Variants in SALL2 observed in about 807,000 individuals in gnomAD.
The protein encoded by SALL2 is spalt like transcription factor 2, also known as sal-like protein 2.
In SALL2, 32 loss-of-function variants were observed where a neutral mutation model predicts 58.5. The observed-to-expected ratio is 0.55, with a 90% CI of 0.41 to 0.74. The LOEUF is 0.74. Ranked by LOEUF, SALL2 falls within the 30% of genes least tolerant of loss-of-function variation. SALL2 has a pLI of 0.00. For synonymous variants in SALL2, 516 were observed against 513.6 expected (o/e 1.00, Z -0.06); for missense variants, 1,201 against 1,268.9 (o/e 0.95, Z 0.81).
upstream of SALL2, among the ~76,000 whole-genome samples, chr14:21,530,281 C>CTTTT (rs34598628): frequency 0.012 from 810 of 64,802 alleles, no homozygotes; most frequent in Middle Eastern, 0.038. Flanking sequence ...TTTTTTCTTT[C>CTTTT]TTTTTTTTTT....
In SALL2 at chr14:21,525,952, G is replaced by C. The variant is rs1892285705; in HGVS notation, c.67+109C>G. ...TTCACGGAATAGGTGTGGGGACAGG[G>C]GCCTACGCAGAGAATCATGCATTTT... is the stretch of plus-strand genomic sequence containing the variant. On this transcript the variant is annotated intron_variant, in intron 1 of 1. Transcript: ENST00000537235. This position sits in a 1 kb window ranked among gnomAD's most constrained non-coding sequence, Gnocchi z 4.4. The C allele has an allele frequency of 2.8e-6, 3 of 1,082,266 alleles. No homozygotes were observed. Among genetic ancestry groups the C allele is most frequent in the Non-Finnish European group, 4.1e-6 (3 of 737,218 alleles). 67.0% of individuals were successfully genotyped at this position (1,082,266 alleles called of 1,614,324 possible).
At chr14:21,527,969 G>A (rs1035770541), upstream of SALL2, among the ~76,000 whole-genome samples, 3 of 151,686 alleles carry the variant, frequency 2.0e-5, no homozygotes, top group Non-Finnish European at 4.4e-5. Context: ...TTGAAACCCC[G>A]TCTCTACTAA....
At chr14:21,528,688 T>C (rs1892386288), upstream of SALL2, among the ~76,000 whole-genome samples, 1 of 152,288 alleles carries the variant, frequency 6.6e-6, no homozygotes, top group South Asian at 2.1e-4. Context: ...TTAAGTGACT[T>C]TTCCAAGTTC....
At position 21,523,520 on chromosome 14, in the gene SALL2, G is replaced by A; in HGVS notation, c.2202C>T (p.Gly734=). 6.2e-7 allele frequency: 1 copy of A among 1,614,192 alleles called. No individual in the cohort carries two copies. The change falls in exon 2 of 2, where the codon GGC becomes GGT. Residue 734 remains glycine, a synonymous_variant. Coordinates refer to ENST00000537235, the MANE Select transcript of SALL2 (RefSeq NM_001364564.1). This position sits in a 1 kb window ranked among gnomAD's most constrained non-coding sequence, Gnocchi z 4.4. ...PEGGGAAQEN[G]SEQSTVSGAR... ...CCCCGGAGACTGTAGATTGCTCGGA[G>A]CCATTCTCCTGAGCAGCTCCTCCAC...
chr14:21,536,777 G>T, intron 1 of SALL2: 1 of 1,275,138 alleles, frequency 7.8e-7, no homozygotes, highest in Non-Finnish European at 1.1e-6. Context: ...TGGCCCGAGT[G>T]CCCTCCCCTT....
rs1228310320 is a variant in SALL2 at position 21,525,484 on chromosome 14, G to C, written c.238C>G (p.Arg80Gly). The change falls in exon 2 of 2, where the codon CGG (arginine) becomes GGG (glycine). Residue 80 changes from arginine (R) to glycine (G), a missense_variant. Transcript: ENST00000537235. The surrounding 1 kb of genome is among the most constrained non-coding windows in gnomAD (Gnocchi z 4.4). ...TGAGGATTATTGTGACCCTCAGGCC[G>C]GGGTTCAGAGGAGGCCGAAGAGTTG... ...PNNSSASSEPRPEGHNNPQVM... is the reference protein window; with the variant it reads ...PNNSSASSEPGPEGHNNPQVM... The C allele has an allele frequency of 5.0e-6, 8 of 1,613,896 alleles. No homozygotes were observed. Among genetic ancestry groups the C allele is most frequent in the Non-Finnish European group, 6.8e-6 (8 of 1,179,924 alleles).
In SALL2 at chr14:21,524,805, C is replaced by A. The variant is rs200521547; in HGVS notation, c.917G>T (p.Gly306Val). Residue 306 changes from glycine to valine, a missense_variant, in exon 2 of 2, where the codon GGC (glycine) becomes GTC (valine). Physicochemically the swap from Gly to Val is moderately radical, Grantham distance 109. This residue lies in a region of SALL2 where 467 missense variants were observed against 468.9 expected (regional missense o/e 1.00). Transcript: ENST00000537235. ...PTPAPSPALP[G>V]STDQLIASPH... ...CGAGGCAATCAGCTGATCTGTGCTG[C>A]CTGGCAAGGCTGGGGAAGGGGCAGG... 3.5e-5 allele frequency: 56 copies of A among 1,609,272 alleles called. No individual in the cohort carries two copies. In the East Asian group the frequency reaches 1.1e-3, roughly 32 times the overall value.
Position 21,525,127 on chromosome 14 carries a change from C to G in SALL2, c.595G>C (p.Glu199Gln), listed in dbSNP as rs771669949. The G allele has an allele frequency of 1.9e-6, 3 of 1,613,966 alleles. No individual in the cohort carries two copies. Among genetic ancestry groups the G allele is most frequent in the African/African-American group, 1.3e-5 (1 of 74,914 alleles). The change falls in exon 2 of 2, where the codon GAG (glutamate) becomes CAG (glutamine). Residue 199 changes from glutamate (E) to glutamine (Q), a missense_variant. By Grantham distance (29) the Glu-to-Gln change is conservative (BLOSUM62 2). Transcript: ENST00000537235. This position sits in a 1 kb window ranked among gnomAD's most constrained non-coding sequence, Gnocchi z 4.4. Reference sequence around the variant, plus strand: ...AACAGCACCTGCCTGCAGATTTGCTCAGTCATCTGCATCTGATGGATCTGC... The same window carrying G: ...AACAGCACCTGCCTGCAGATTTGCTGAGTCATCTGCATCTGATGGATCTGC... Reference protein sequence around the residue: ...QRQIHQMQMTEQICRQVLLLG... With the variant: ...QRQIHQMQMTQQICRQVLLLG...
rs1235214131 is a variant in SALL2, at chr14:21,525,953, G to A, written c.67+108C>T. 6 of 1,087,774 alleles carry A rather than the reference G, an allele frequency of 5.5e-6. No individual in the cohort carries two copies. The highest frequency in any genetic ancestry group is 1.6e-5 in the African/African-American group (1 of 64,436). 67.4% of individuals were successfully genotyped at this position (1,087,774 alleles called of 1,614,324 possible). ...TCACGGAATAGGTGTGGGGACAGGGGCCTACGCAGAGAATCATGCATTTTC... is the reference window on the plus strand; with the variant it reads ...TCACGGAATAGGTGTGGGGACAGGGACCTACGCAGAGAATCATGCATTTTC... On this transcript the variant is annotated intron_variant, in intron 1 of 1. Coordinates refer to ENST00000537235, the MANE Select transcript of SALL2 (RefSeq NM_001364564.1). This position sits in a 1 kb window ranked among gnomAD's most constrained non-coding sequence, Gnocchi z 4.4.
rs1391990071 is a variant in SALL2 at position 21,522,029 on chromosome 14, C to T, written c.*675G>A. The T allele has an allele frequency of 7.5e-6, 12 of 1,593,808 alleles. No homozygotes were observed. Among genetic ancestry groups the T allele is most frequent in the Admixed American group, 6.7e-5 (4 of 59,310 alleles). ...TTTGCTACTTCTTGTCTATGATGGGCTTCTCAGGCACTGCCTTGGGTGCAG... is the reference window on the plus strand; with the variant it reads ...TTTGCTACTTCTTGTCTATGATGGGTTTCTCAGGCACTGCCTTGGGTGCAG... On this transcript the variant is annotated 3_prime_UTR_variant, in exon 2 of 2. Coordinates refer to ENST00000537235, the MANE Select transcript of SALL2 (RefSeq NM_001364564.1).
chr14:21,526,013 AT>A, intron 1 of SALL2, 47 bp downstream of exon 1: 1 of 890,288 alleles, frequency 1.1e-6, no homozygotes, highest in Non-Finnish European at 1.8e-6. Flanking sequence ...GCCCCTGCGC[AT>A]CCCCCTCCGC....
At position 21,524,967 on chromosome 14, in the gene SALL2, A is replaced by G. The variant is rs1892225230; in HGVS notation, c.755T>C (p.Leu252Pro). ...PIKPVQTSKT[L>P]ASSSSSSSSS... ...AGAGGAGGAGGAGGAGGAAGATGCC[A>G]GTGTCTTGCTGGTTTGGACAGGCTT... The change falls in exon 2 of 2, where the codon CTG (leucine) becomes CCG (proline). Residue 252 changes from leucine to proline, a missense_variant. Leu to Pro is a moderately conservative substitution (Grantham distance 98). Transcript: ENST00000537235. 1 of 1,613,992 alleles carries G rather than the reference A, an allele frequency of 6.2e-7. No individual in the cohort carries two copies. The highest frequency in any genetic ancestry group is 2.2e-5 in the East Asian group (1 of 44,872).
In SALL2 at chr14:21,537,077, C is replaced by T. The variant is rs188298854; in HGVS notation, c.-229G>A. 2.9e-3 allele frequency: 1,855 copies of T among 638,092 alleles called. 5 individuals are homozygous for T. Among genetic ancestry groups the T allele is most frequent in the Non-Finnish European group, 4.2e-3 (1,467 of 348,524 alleles). 39.5% of individuals were successfully genotyped at this position (638,092 alleles called of 1,614,324 possible). On this transcript the variant is annotated 5_prime_UTR_variant, in exon 1 of 2. Coordinates refer to the SALL2 transcript ENST00000541965. ...GAGATGTTCTTCTTTCCCAGAGACACAGACTCTCTCTCTCTCTCTGATTCT... is the reference window on the plus strand; with the variant it reads ...GAGATGTTCTTCTTTCCCAGAGACATAGACTCTCTCTCTCTCTCTGATTCT...
intron 1 of SALL2, among the ~76,000 whole-genome samples, chr14:21,531,656 C>G (rs1306187740): frequency 1.3e-5 from 2 of 151,844 alleles, no homozygotes; most frequent in African/African-American, 4.8e-5. Context: ...GATCTGCCCA[C>G]CTCGGCCTCC....
rs764638824 is a variant in SALL2 at position 21,522,071 on chromosome 14, G to A, written c.*633C>T. 6 of 1,597,170 alleles carry A rather than the reference G, an allele frequency of 3.8e-6. No individual in the cohort carries two copies. The highest frequency in any genetic ancestry group is 2.2e-5 in the South Asian group (2 of 90,790). The stretch of plus-strand genomic sequence containing the variant: ...TGGGTGCAGGAGGCTGAAATAGGAG[G>A]GGGGCTGTCTTCTCCTTGGCTTCCC... On this transcript the variant is annotated 3_prime_UTR_variant, in exon 2 of 2. Coordinates refer to ENST00000537235, the MANE Select transcript of SALL2 (RefSeq NM_001364564.1).
chr14:21,522,368 GCT>G lies in SALL2; in HGVS notation c.*334_*335del. 6.9e-7 allele frequency: 1 copy of G among 1,440,360 alleles called. No homozygotes were observed. The highest frequency in any genetic ancestry group is 9.1e-7 in the Non-Finnish European group (1 of 1,099,786). 89.2% of individuals were successfully genotyped at this position (1,440,360 alleles called of 1,614,324 possible). ...CTAGGCTGCAATGCCAAATGTAGGT[GCT>G]CAGGTGCACCTACCAAAGGGAAAGG... On this transcript the variant is annotated 3_prime_UTR_variant, in exon 2 of 2. Coordinates refer to ENST00000537235, the MANE Select transcript of SALL2 (RefSeq NM_001364564.1).
Position 21,522,015 on chromosome 14 carries a change from T to G in SALL2, c.*689A>C. ...GAAGGAATGTACAGTTTGCTACTTC[T>G]TGTCTATGATGGGCTTCTCAGGCAC... On this transcript the variant is annotated 3_prime_UTR_variant, in exon 2 of 2. Coordinates refer to ENST00000537235, the MANE Select transcript of SALL2 (RefSeq NM_001364564.1). The G allele has an allele frequency of 1.9e-6, 3 of 1,587,526 alleles. No individual in the cohort carries two copies. Among genetic ancestry groups the G allele is most frequent in the Non-Finnish European group, 1.7e-6 (2 of 1,174,238 alleles).
In SALL2 at chr14:21,524,797, C is replaced by G; in HGVS notation, c.925G>C (p.Asp309His). 1 of 1,608,136 alleles carries G rather than the reference C, an allele frequency of 6.2e-7. No homozygotes were observed. The highest frequency in any genetic ancestry group is 8.5e-7 in the Non-Finnish European group (1 of 1,177,036). Residue 309 changes from aspartate to histidine, a missense_variant, in exon 2 of 2, where the codon GAT becomes CAT. Physicochemically the swap from Asp to His is moderately conservative, Grantham distance 81. This residue lies in a region of SALL2 where 467 missense variants were observed against 468.9 expected (regional missense o/e 1.00). Coordinates refer to ENST00000537235, the MANE Select transcript of SALL2 (RefSeq NM_001364564.1). Reference sequence around the variant, plus strand: ...AGATGAGGCGAGGCAATCAGCTGATCTGTGCTGCCTGGCAAGGCTGGGGAA... The same window carrying G: ...AGATGAGGCGAGGCAATCAGCTGATGTGTGCTGCCTGGCAAGGCTGGGGAA... The part of the protein sequence containing the change: ...APSPALPGST[D>H]QLIASPHLAF...
Position 21,526,229 on chromosome 14 carries a change from G to T in SALL2, c.-102C>A. 1 of 1,485,300 alleles carries T rather than the reference G, an allele frequency of 6.7e-7. No homozygotes were observed. The highest frequency in any genetic ancestry group is 8.9e-7 in the Non-Finnish European group (1 of 1,119,064). The allele number at this position is 1,485,300 out of a possible 1,614,324, so 92.0% of individuals were successfully genotyped here. On this transcript the variant is annotated 5_prime_UTR_variant, in exon 1 of 2. Coordinates refer to ENST00000537235, the MANE Select transcript of SALL2 (RefSeq NM_001364564.1). The stretch of plus-strand genomic sequence containing the variant: ...GTCTGCGGCAGCCTCTGCACCCAGC[G>T]GCCCAGACTGCGGAGATGGAGATCG...
Sources: allele counts gnomAD v4.1 joint callset (sites outside exome capture counted in the v4.1 genomes callset), GRCh38; gene constraint gnomAD v4.1.1; regional missense constraint gnomAD v4.1.1; non-coding constraint Gnocchi (gnomAD v3.1); transcripts MANE v1.5; gene names NCBI Gene and HGNC (gene_info 2026-07-23, HGNC 2026-07-21).